The following TSPEAR variants were observed in gnomAD, a reference collection of about 807,000 sequenced individuals.
TSPEAR encodes the protein thrombospondin type laminin G domain and EAR repeats.
A neutral mutation model predicts 71.6 loss-of-function variants in TSPEAR; 69 were observed. The observed-to-expected ratio is 0.96, with a 90% confidence interval of 0.79 to 1.18. The LOEUF (loss-of-function observed/expected upper bound fraction) is 1.18, where lower values mean the gene tolerates loss of function less well. TSPEAR is among the 50% of genes most tolerant of loss of function. The pLI is 0.00. For missense variants in TSPEAR, 971 were observed against 894.9 expected (o/e 1.09, Z -1.09); for synonymous variants, 402 against 387.2 (o/e 1.04, Z -0.45).
At chr21:44,557,950 G>A in intron 2 of TSPEAR, 1 of 1,362,320 alleles carries the variant, frequency 7.3e-7, no homozygotes, top group Non-Finnish European at 1.0e-6. Flanking sequence ...GAGGTGCAGT[G>A]GCTATGGGCA....
At chr21:44,706,492 C>G (rs78171923) in intron 1 of TSPEAR, among the ~76,000 whole-genome samples, 1 of 96,876 alleles carries the variant, frequency 1.0e-5, no homozygotes, top group East Asian at 2.0e-4. Context: ...CACACCCACG[C>G]GCACACACCG....
At chr21:44,621,191 T>C (rs1402848167) in intron 1 of TSPEAR, among the ~76,000 whole-genome samples, 1 of 152,244 alleles carries the variant, frequency 6.6e-6, no homozygotes, top group African/African-American at 2.4e-5. Context: ...ATGTCATTTT[T>C]CAAGTCCTCT....
rs370825241 is a variant in TSPEAR, at chr21:44,693,499, T to C, written c.82+17934A>G. Among the ~76,000 whole-genome samples, 18 of 152,136 alleles carry C rather than the reference T, an allele frequency of 1.2e-4. 1 individual carries two copies. Among genetic ancestry groups the C allele is most frequent in the Admixed American group, 5.9e-4 (9 of 15,272 alleles). Reference sequence around the variant, plus strand: ...ACAAAAAGACAACCCAACTAAAAAATAGGCAAAAGATTGAGTAGACATTTC... The same window carrying C: ...ACAAAAAGACAACCCAACTAAAAAACAGGCAAAAGATTGAGTAGACATTTC... On this transcript the variant is annotated intron_variant, in intron 1 of 11. Coordinates refer to ENST00000323084, the MANE Select transcript of TSPEAR (RefSeq NM_144991.3).
chr21:44,682,351 G>A (rs1555948225), intron 1 of TSPEAR, among the ~76,000 whole-genome samples: 1 of 152,178 alleles, frequency 6.6e-6, no homozygotes, highest in Admixed American at 6.5e-5. Flanking sequence ...CCCTCTTCAA[G>A]CTCTTGTTAC....
intron 1 of TSPEAR, chr21:44,579,393 T>C (rs1569198288): frequency 2.9e-6 from 1 of 349,560 alleles, no homozygotes; most frequent in East Asian, 5.6e-5. Flanking sequence ...GAAACAGTCA[T>C]GGCTAGAGAC....
At position 44,647,494 on chromosome 21, in the gene TSPEAR, C is replaced by T. The variant is rs782468280; in HGVS notation, c.82+63939G>A. ...TGCTGCCTGAAGGGGATTTTGAGCGCGTCACACTTTCCTCCCCACTGTCTG... is the reference window on the plus strand; with the variant it reads ...TGCTGCCTGAAGGGGATTTTGAGCGTGTCACACTTTCCTCCCCACTGTCTG... On this transcript the variant is annotated intron_variant, in intron 1 of 11. Transcript: ENST00000323084. The T allele has an allele frequency of 3.0e-5, 31 of 1,033,022 alleles. 1 individual carries two copies. Among genetic ancestry groups the T allele is most frequent in the Admixed American group, 2.8e-4 (10 of 35,614 alleles). 64.0% of individuals were successfully genotyped at this position (1,033,022 alleles called of 1,614,324 possible).
At chr21:44,637,478 G>C (rs781798444) in intron 1 of TSPEAR, 1 of 1,613,222 alleles carries the variant, frequency 6.2e-7, no homozygotes, top group Non-Finnish European at 8.5e-7. Flanking sequence ...GCGGGTAGTC[G>C]ACTGCCCAGA....
At position 44,598,069 on chromosome 21, in the gene TSPEAR, G is replaced by A. The variant is rs769464260; in HGVS notation, c.83-30064C>T. Among the ~76,000 whole-genome samples, 5 of 151,288 alleles carry A rather than the reference G, an allele frequency of 3.3e-5. No individual in the cohort carries two copies. The South Asian group carries it at 1.0e-3, about 32-fold the overall frequency. On this transcript the variant is annotated intron_variant, in intron 1 of 11. Coordinates refer to ENST00000323084, the MANE Select transcript of TSPEAR (RefSeq NM_144991.3). ...TTGTTCTTTAATTCCTAGTACCCCC[G>A]CCCCCTCTCTTTCTTCTCCTTTTCT... is the stretch of plus-strand genomic sequence containing the variant.
chr21:44,647,704 A>C, intron 1 of TSPEAR: 2 of 341,800 alleles, frequency 5.9e-6, no homozygotes, highest in South Asian at 3.8e-5. Context: ...GCCTACTCCA[A>C]ATTTGGGGTG....
intron 1 of TSPEAR, among the ~76,000 whole-genome samples, chr21:44,673,196 C>T (rs2146284992): frequency 6.6e-6 from 1 of 152,294 alleles, no homozygotes; most frequent in South Asian, 2.1e-4. Context: ...ATCAGACTAA[C>T]AGTGGATTTC....
intron 1 of TSPEAR, chr21:44,677,040 A>G: frequency 1.2e-6 from 1 of 826,564 alleles, no homozygotes; most frequent in Middle Eastern, 2.2e-4. Context: ...GTTTAAAGTC[A>G]TCCTGAGCTT....
At chr21:44,601,895 C>T (rs1980958864) in intron 1 of TSPEAR, 1 of 1,021,712 alleles carries the variant, frequency 9.8e-7, no homozygotes, top group Non-Finnish European at 1.4e-6. Flanking sequence ...AGAAGCAGCT[C>T]AGCTGTTTCT....
Position 44,695,591 on chromosome 21 carries a change from C to T in TSPEAR, c.82+15842G>A, listed in dbSNP as rs1555950362. Among the ~76,000 whole-genome samples the T allele has an allele frequency of 1.3e-5, 2 of 152,192 alleles. No individual in the cohort carries two copies. The highest frequency in any genetic ancestry group is 1.9e-4 in the East Asian group (1 of 5,194). ...GTCCCTTGTGGTGGGCCAGTTTATT[C>T]AGCTTAGGAGAAATGATTGTTAAAT... is the stretch of plus-strand genomic sequence containing the variant. On this transcript the variant is annotated intron_variant, in intron 1 of 11. Transcript: ENST00000323084. This position sits in a 1 kb window ranked among gnomAD's most constrained non-coding sequence, Gnocchi z 4.5.
intron 1 of TSPEAR, among the ~76,000 whole-genome samples, chr21:44,630,857 C>G (rs188687158): frequency 1.1e-3 from 171 of 152,248 alleles, no homozygotes; most frequent in African/African-American, 3.8e-3. Flanking sequence ...ATAGTGACCC[C>G]CTTCATGACA....
At chr21:44,590,719 A>C (rs587710145) in intron 1 of TSPEAR, among the ~76,000 whole-genome samples, 122 of 152,228 alleles carry the variant, frequency 8.0e-4, no homozygotes, top group African/African-American at 2.9e-3. Flanking sequence ...GGGCTACCCC[A>C]GTCCTGGGGG....
intron 11 of TSPEAR, among the ~76,000 whole-genome samples, chr21:44,503,960 G>A (rs189577470): frequency 9.9e-5 from 14 of 141,312 alleles, no homozygotes; most frequent in South Asian, 4.5e-4. Flanking sequence ...GGAGGAGGCC[G>A]GAGTTGGTGA....
intron 1 of TSPEAR, among the ~76,000 whole-genome samples, chr21:44,624,949 C>A (rs1982672953): frequency 6.6e-6 from 1 of 152,140 alleles, no homozygotes; most frequent in South Asian, 2.1e-4. Flanking sequence ...TTTGTTAAAC[C>A]AGGTTTCCTA....
chr21:44,682,033 G>A (rs782569908), intron 1 of TSPEAR: 12 of 1,613,964 alleles, frequency 7.4e-6, no homozygotes, highest in Non-Finnish European at 9.3e-6. Flanking sequence ...ACGGAGGACT[G>A]GCAGCCCACG....
intron 1 of TSPEAR, among the ~76,000 whole-genome samples, chr21:44,668,117 GC>G (rs1454794573): frequency 1.3e-5 from 2 of 152,190 alleles, no homozygotes; most frequent in Non-Finnish European, 2.9e-5. Flanking sequence ...AGTAAAGTTA[GC>G]TGTGTTCACA....
Sources: gnomAD v4.1 joint callset for allele counts (sites outside exome capture counted in the v4.1 genomes callset) on GRCh38, gnomAD v4.1.1 for gene constraint, Gnocchi (gnomAD v3.1) non-coding constraint, MANE v1.5 for transcripts, NCBI Gene and HGNC (gene_info 2026-07-23, HGNC 2026-07-21) for gene names.